FRMD4A: variants seen among roughly 807,000 people sequenced by gnomAD.
FRMD4A encodes the protein FERM domain-containing protein 4A.
A neutral mutation model predicts 129.1 loss-of-function variants in FRMD4A; 29 were observed. The ratio of observed to expected loss-of-function variants is 0.22; its 90% CI spans 0.17 to 0.31. The LOEUF is 0.31. Ranked by LOEUF, FRMD4A falls within the 10% of genes least tolerant of loss-of-function variation. FRMD4A has a pLI of 1.00. For missense variants in FRMD4A, 1,272 were observed against 1,375.8 expected, an observed-to-expected ratio of 0.92 and a Z score of 1.19; for synonymous variants, 634 against 571.6, an observed-to-expected ratio of 1.11 and a Z score of -1.56.
At chr10:14,281,080 C>A (rs1430430271) in intron 2 of FRMD4A, among the ~76,000 whole-genome samples, 2 of 149,922 alleles carry the variant, frequency 1.3e-5, no homozygotes, top group African/African-American at 2.5e-5. Flanking sequence ...ACAACCTCCA[C>A]CTCCTGGGTT....
intron 19 of FRMD4A, among the ~76,000 whole-genome samples, chr10:13,662,080 C>T (rs983094999): frequency 3.3e-5 from 5 of 152,106 alleles, no homozygotes; most frequent in Non-Finnish European, 7.4e-5. Context: ...AAAATTACCC[C>T]GTGACATTAC....
At chr10:13,698,552 G>A (rs147913760) in intron 14 of FRMD4A, among the ~76,000 whole-genome samples, 203 of 152,260 alleles carry the variant, frequency 1.3e-3, no homozygotes, top group African/African-American at 3.7e-3. Flanking sequence ...TTTAATTTGC[G>A]GGCCTTTTAG....
chr10:13,698,580 C>T (rs892132624), intron 14 of FRMD4A, among the ~76,000 whole-genome samples: 1 of 152,208 alleles, frequency 6.6e-6, no homozygotes, highest in Non-Finnish European at 1.5e-5. Flanking sequence ...AAACTTCATG[C>T]AAGTGTTGGC....
At chr10:13,957,947 C>T (rs1192407106) in intron 2 of FRMD4A, among the ~76,000 whole-genome samples, 1 of 152,000 alleles carries the variant, frequency 6.6e-6, no homozygotes. Context: ...TTTGAAAACC[C>T]TCCCCTCTCT....
At position 13,666,203 on chromosome 10, in the gene FRMD4A, C is replaced by A. The variant is rs145956961; in HGVS notation, c.1497G>T (p.Ser499=). 1 of 1,613,454 alleles carries A rather than the reference C, an allele frequency of 6.2e-7. No homozygotes were observed. The highest frequency in any genetic ancestry group is 2.2e-5 in the East Asian group (1 of 44,876). The change falls in exon 18 of 25, where the codon TCG becomes TCT. Residue 499 remains serine, a synonymous_variant. Transcript: ENST00000357447. ...GCAGTTTCTTCAGTGCATTCAGATA[C>A]GAGGTTTTCCTTTGTTTCTTCAGTT... ...SKKLKKQRKT[S]YLNALKKLQE... is the part of the protein sequence containing the mutation.
At chr10:13,705,945 C>T (rs2087386453) in intron 13 of FRMD4A, among the ~76,000 whole-genome samples, 2 of 152,188 alleles carry the variant, frequency 1.3e-5, no homozygotes, top group Admixed American at 6.5e-5. Flanking sequence ...TTCATTCCTA[C>T]CGGGTTATCA....
chr10:14,067,293 G>A (rs1399641919), intron 2 of FRMD4A, among the ~76,000 whole-genome samples: 1 of 152,016 alleles, frequency 6.6e-6, no homozygotes, highest in Non-Finnish European at 1.5e-5. Flanking sequence ...TCCAGCCTGG[G>A]CGACAGAGAG....
intron 12 of FRMD4A, among the ~76,000 whole-genome samples, chr10:13,734,668 C>A (rs991541601): frequency 6.6e-6 from 1 of 152,112 alleles, no homozygotes; most frequent in Non-Finnish European, 1.5e-5. Flanking sequence ...ACCCAGTTGA[C>A]GCCTGCCTTC....
intron 2 of FRMD4A, among the ~76,000 whole-genome samples, chr10:13,972,937 T>C (rs2095526180): frequency 6.6e-6 from 1 of 152,246 alleles, no homozygotes; most frequent in South Asian, 2.1e-4. Flanking sequence ...ATCTGTCTCT[T>C]CGACCTTAAC....
At chr10:13,693,623 G>T in intron 15 of FRMD4A, 1 of 697,376 alleles carries the variant, frequency 1.4e-6, no homozygotes. Context: ...CGCTCTGGGG[G>T]GTACCTGAAG....
At chr10:14,241,053 G>C (rs1487228566) in intron 2 of FRMD4A, among the ~76,000 whole-genome samples, 7 of 152,182 alleles carry the variant, frequency 4.6e-5, no homozygotes, top group African/African-American at 1.7e-4. Context: ...AAATGAAGAA[G>C]CAGTTACCTC....
chr10:13,758,398 G>A (rs1441310775), intron 8 of FRMD4A, among the ~76,000 whole-genome samples: 2 of 152,192 alleles, frequency 1.3e-5, no homozygotes, highest in East Asian at 3.9e-4. Context: ...TTTTATTAAT[G>A]TGGTTCAGGA....
intron 2 of FRMD4A, among the ~76,000 whole-genome samples, chr10:14,143,776 G>A (rs1176176076): frequency 6.6e-6 from 1 of 151,962 alleles, no homozygotes; most frequent in Non-Finnish European, 1.5e-5. Flanking sequence ...CATCATGCCT[G>A]GCTAACTTTT....
intron 2 of FRMD4A, chr10:14,326,529 T>G (rs759002892): frequency 4.1e-6 from 1 of 243,874 alleles, no homozygotes. Flanking sequence ...TTAAAGACAC[T>G]TCATTTATAG....
chr10:14,012,505 G>A lies in FRMD4A; in HGVS notation c.46-153593C>T, dbSNP rs75121263. Reference sequence around the variant, plus strand: ...CAGCAGGGTGTGAAAGGGGTGGCGGGAATGGGGGGAATGTTCCATTGGAGA... The same window carrying A: ...CAGCAGGGTGTGAAAGGGGTGGCGGAAATGGGGGGAATGTTCCATTGGAGA... On this transcript the variant is annotated intron_variant, in intron 2 of 24. Transcript: ENST00000357447. Among the ~76,000 whole-genome samples the A allele has an allele frequency of 2.0e-3, 302 of 152,282 alleles. 2 individuals carry two copies. The highest frequency in any genetic ancestry group is 2.6e-3 in the Non-Finnish European group (177 of 68,014).
chr10:14,079,511 G>A (rs935535496), intron 2 of FRMD4A, among the ~76,000 whole-genome samples: 7 of 152,114 alleles, frequency 4.6e-5, no homozygotes, highest in African/African-American at 1.7e-4. Context: ...TCATCTTTTT[G>A]ACATCCAACA....
intron 2 of FRMD4A, among the ~76,000 whole-genome samples, chr10:14,098,504 C>T (rs910323828): frequency 1.4e-4 from 22 of 152,084 alleles, no homozygotes; most frequent in African/African-American, 5.1e-4. Flanking sequence ...CCCGGGTTCA[C>T]GCCATTCTCC....
intron 2 of FRMD4A, among the ~76,000 whole-genome samples, chr10:14,309,256 C>T (rs1846457121): frequency 6.6e-6 from 1 of 152,126 alleles, no homozygotes; most frequent in Non-Finnish European, 1.5e-5. Context: ...TTAAGACTAG[C>T]TTGGACAACA....
intron 2 of FRMD4A, among the ~76,000 whole-genome samples, chr10:14,086,749 G>A (rs912557222): frequency 4.6e-5 from 7 of 152,080 alleles, no homozygotes; most frequent in African/African-American, 1.7e-4. Context: ...GTTTTAGAAT[G>A]ATGAGTGATC....
Sources: allele counts gnomAD v4.1 joint callset (sites outside exome capture counted in the v4.1 genomes callset), GRCh38; gene constraint gnomAD v4.1.1; transcripts MANE v1.5; gene names NCBI Gene and HGNC (gene_info 2026-07-23, HGNC 2026-07-21).